The following FSD2 variants were observed in gnomAD, a reference collection of about 807,000 sequenced individuals.
FSD2 encodes the protein fibronectin type III and SPRY domain-containing protein 2.
In FSD2, 71 loss-of-function variants were observed where a neutral mutation model predicts 80.4. The ratio of observed to expected loss-of-function variants is 0.88; its 90% CI spans 0.73 to 1.08. The LOEUF (loss-of-function observed/expected upper bound fraction) is 1.08. Among genes scored for constraint, FSD2 ranks in the 50% least tolerant of loss-of-function variants. FSD2 has a pLI of 0.00. For synonymous variants in FSD2, 361 were observed against 329.5 expected (o/e 1.10, Z -1.03); for missense variants, 923 against 913.8 (o/e 1.01, Z -0.13).
intron 1 of FSD2, among the ~76,000 whole-genome samples, chr15:82,793,367 A>T (rs1217086798): frequency 3.3e-5 from 5 of 152,150 alleles, no homozygotes; most frequent in Non-Finnish European, 7.3e-5. Flanking sequence ...TCCGAAAGGA[A>T]TTCAAATGGA....
At chr15:82,780,638 T>A (rs2049832379) in intron 4 of FSD2, among the ~76,000 whole-genome samples, 1 of 151,930 alleles carries the variant, frequency 6.6e-6, no homozygotes, top group Non-Finnish European at 1.5e-5. Context: ...TGGCTGGAAA[T>A]AAATTTCTTT....
intron 1 of FSD2, among the ~76,000 whole-genome samples, chr15:82,798,466 C>A (rs1596264995): frequency 6.6e-6 from 1 of 152,000 alleles, no homozygotes; most frequent in Admixed American, 6.6e-5. Context: ...CTAATGCCTA[C>A]CCCCATTAAA....
intron 3 of FSD2, 127 bp downstream of exon 3, chr15:82,786,384 A>G (rs549001343): frequency 1.1e-5 from 8 of 701,526 alleles, no homozygotes; most frequent in Middle Eastern, 2.4e-4. Flanking sequence ...GGGAGGAGAG[A>G]AGGGGGAGTG....
At chr15:82,783,117 G>C in intron 3 of FSD2, 92 bp from the exon 4 acceptor site, 1 of 944,178 alleles carries the variant, frequency 1.1e-6, no homozygotes, top group Non-Finnish European at 1.6e-6. Flanking sequence ...GTTTGTTTTT[G>C]AGACACAGTC....
rs539026057 is a variant in FSD2, at chr15:82,759,486, A to G, written c.2112T>C (p.Asn704=). ...DYEHSKLSFF[N]VDLSQHLYTF... ...TATATAGATGCTGAGAAAGGTCCAC[A>G]TTGAAAAATGACAACTTTGAATGTT... Residue 704 remains asparagine (N), a synonymous_variant, in exon 13 of 13, where the codon AAT becomes AAC. Coordinates refer to ENST00000334574, the MANE Select transcript of FSD2 (RefSeq NM_001007122.4). The G allele has an allele frequency of 7.4e-6, 12 of 1,613,370 alleles. No homozygotes were observed. Among genetic ancestry groups the G allele is most frequent in the Admixed American group, 1.7e-5 (1 of 59,934 alleles).
chr15:82,772,026 C>G, intron 7 of FSD2, 47 bp downstream of exon 7: 5 of 1,497,578 alleles, frequency 3.3e-6, no homozygotes, highest in Middle Eastern at 2.2e-4. Flanking sequence ...CCCTGAGGGG[C>G]CTGAACTGTT....
Position 82,765,887 on chromosome 15 carries a change from G to A in FSD2, c.1687+11C>T, listed in dbSNP as rs1359541170. 1.3e-6 allele frequency: 2 copies of A among 1,596,672 alleles called. No individual in the cohort carries two copies. The highest frequency in any genetic ancestry group is 1.7e-6 in the Non-Finnish European group (2 of 1,169,740). ...TTGGGTCCCAGAGACTTTGTGGGCT[G>A]GGGCACAGACCTATGGTGTGGACTG... is the stretch of plus-strand genomic sequence containing the variant. On this transcript the variant is annotated intron_variant, in intron 10 of 12. Transcript: ENST00000334574.
chr15:82,801,224 G>T (rs964764895), intron 1 of FSD2, among the ~76,000 whole-genome samples: 15 of 152,280 alleles, frequency 9.9e-5, no homozygotes, highest in Admixed American at 3.9e-4. Flanking sequence ...AGAATAGGAG[G>T]TTCTGGATCA....
intron 1 of FSD2, 125 bp from the exon 2 acceptor site, chr15:82,787,593 A>C (rs985723691): frequency 2.3e-6 from 1 of 431,858 alleles, no homozygotes; most frequent in Admixed American, 4.0e-5. Context: ...TCGTGGTTTC[A>C]CTTTGAACCA....
chr15:82,791,314 T>C (rs371083062), intron 1 of FSD2, among the ~76,000 whole-genome samples: 8 of 152,170 alleles, frequency 5.3e-5, no homozygotes, highest in African/African-American at 1.9e-4. Context: ...TGGTTTTTAG[T>C]ATACTCACAC....
Position 82,762,196 on chromosome 15 carries a change from T to C in FSD2, c.1903A>G (p.Arg635Gly), listed in dbSNP as rs2049309218. 3 of 1,613,922 alleles carry C rather than the reference T, an allele frequency of 1.9e-6. No individual in the cohort carries two copies. The highest frequency in any genetic ancestry group is 2.2e-5 in the South Asian group (2 of 91,036). Reference protein sequence around the residue: ...EVEVDEHLDYRVGVAFADVRK... With the variant: ...EVEVDEHLDYGVGVAFADVRK... ...ACATCTGCAAAGGCCACACCAACTC[T>C]GTAGTCCAAATGCTCATCCACCTCC... The change falls in exon 12 of 13, where the codon AGA (arginine) becomes GGA (glycine). Residue 635 changes from arginine to glycine, a missense_variant. Transcript: ENST00000334574.
intron 11 of FSD2, 61 bp from the exon 12 acceptor site, chr15:82,762,339 C>A: frequency 1.3e-6 from 2 of 1,516,488 alleles, no homozygotes; most frequent in South Asian, 1.2e-5. Context: ...CTGTGCAGGT[C>A]AGTGATGCCA....
chr15:82,796,631 A>G (rs1282545117), intron 1 of FSD2, among the ~76,000 whole-genome samples: 5 of 152,226 alleles, frequency 3.3e-5, no homozygotes, highest in Admixed American at 3.3e-4. Flanking sequence ...ATGCCACAAT[A>G]GATGACTAGT....
chr15:82,766,512 CG>C, intron 9 of FSD2, among the ~76,000 whole-genome samples: 1 of 152,182 alleles, frequency 6.6e-6, no homozygotes, highest in South Asian at 2.1e-4. Flanking sequence ...GAGGCTGAGG[CG>C]GGTGGGTCAC....
chr15:82,782,914 CTT>C lies in FSD2; in HGVS notation c.845_846del (p.Lys282ArgfsTer47). 1 of 1,613,938 alleles carries C rather than the reference CTT, an allele frequency of 6.2e-7. No individual in the cohort carries two copies. The highest frequency in any genetic ancestry group is 8.5e-7 in the Non-Finnish European group (1 of 1,179,856). On this transcript the variant is annotated frameshift_variant, in exon 4 of 13. Transcript: ENST00000334574. LOFTEE classifies it high-confidence loss of function. ...EKIQALGEKK[K>X]EKLEALYGQL... Reference sequence around the variant, plus strand: ...TGTCCATATAAGGCTTCCAGCTTCTCTTTCTTTTTCTCCCCTAGAGCTTGTAT... The same window carrying C: ...TGTCCATATAAGGCTTCCAGCTTCTCTCTTTTTCTCCCCTAGAGCTTGTAT...
At chr15:82,780,662 T>C (rs959483650) in intron 4 of FSD2, among the ~76,000 whole-genome samples, 3 of 151,820 alleles carry the variant, frequency 2.0e-5, no homozygotes, top group African/African-American at 4.8e-5. Flanking sequence ...CAACATATTG[T>C]TATAAATAGA....
intron 1 of FSD2, among the ~76,000 whole-genome samples, chr15:82,794,849 C>T (rs998759128): frequency 4.0e-5 from 6 of 151,882 alleles, no homozygotes; most frequent in East Asian, 1.9e-4. Context: ...CTCAGCCTCC[C>T]GAGTAGCTGG....
chr15:82,761,940 T>C (rs1446000582), intron 12 of FSD2, among the ~76,000 whole-genome samples, 162 bp downstream of exon 12: 1 of 152,226 alleles, frequency 6.6e-6, no homozygotes, highest in Non-Finnish European at 1.5e-5. Flanking sequence ...CTGCTCTTTC[T>C]CCTCTTACTT....
intron 1 of FSD2, 150 bp from the exon 2 acceptor site, chr15:82,787,618 G>C (rs572141588): frequency 7.6e-6 from 3 of 392,592 alleles, no homozygotes; most frequent in African/African-American, 6.2e-5. Context: ...TAAAAAATTT[G>C]TTTTCTATGG....
Sources: allele counts gnomAD v4.1 joint callset (sites outside exome capture counted in the v4.1 genomes callset), GRCh38; gene constraint gnomAD v4.1.1; transcripts MANE v1.5; gene names NCBI Gene and HGNC (gene_info 2026-07-23, HGNC 2026-07-21).